Variants in LMBR1 observed in about 807,000 individuals in gnomAD.
LMBR1 encodes the protein limb region 1 protein homolog.
In LMBR1, 52 loss-of-function variants were observed where a neutral mutation model predicts 73.9. The observed-to-expected ratio is 0.70, with a 90% CI of 0.56 to 0.89. The LOEUF is 0.89. Ranked by LOEUF, LMBR1 falls within the 40% of genes least tolerant of loss-of-function variation. The pLI is 0.00. For synonymous variants in LMBR1, 215 were observed against 209.4 expected (o/e 1.03, Z -0.23); for missense variants, 539 against 579.8 (o/e 0.93, Z 0.72).
intron 1 of LMBR1, among the ~76,000 whole-genome samples, chr7:156,880,264 G>T (rs1469521822): frequency 6.6e-5 from 10 of 152,132 alleles, no homozygotes; most frequent in Non-Finnish European, 1.5e-5. Context: ...ACCAAACATC[G>T]CATGTTCTCA....
At chr7:156,807,169 AC>A in intron 4 of LMBR1, among the ~76,000 whole-genome samples, 1 of 152,272 alleles carries the variant, frequency 6.6e-6, no homozygotes, top group Middle Eastern at 3.4e-3. Flanking sequence ...TGTTCGTGAC[AC>A]TGGCCTGTCA....
chr7:156,680,851 C>T lies in LMBR1; in HGVS notation c.*3227G>A, dbSNP rs1804902508. On this transcript the variant is annotated 3_prime_UTR_variant, in exon 17 of 17. Transcript: ENST00000353442. The stretch of plus-strand genomic sequence containing the variant: ...AAAACAAAAGAACAAATAAACCCCA[C>T]ATATAAATGCTTATAAACCAAATAT... 1 of 208,500 alleles carries T rather than the reference C, an allele frequency of 4.8e-6. No individual in the cohort carries two copies. Among genetic ancestry groups the T allele is most frequent in the African/African-American group, 2.4e-5 (1 of 41,792 alleles). 12.9% of individuals were successfully genotyped at this position (208,500 alleles called of 1,614,324 possible). A position where few individuals can be genotyped will look rare whatever the true frequency, so the allele number is the denominator to read the frequency against.
At chr7:156,687,949 T>C (rs1806322647) in intron 16 of LMBR1, 81 bp downstream of exon 16, 1 of 1,295,740 alleles carries the variant, frequency 7.7e-7, no homozygotes, top group Non-Finnish European at 1.0e-6. Context: ...GGAAACTAAA[T>C]AGCTGAAGAT....
chr7:156,862,873 G>A (rs894905907), intron 1 of LMBR1, among the ~76,000 whole-genome samples: 15 of 152,130 alleles, frequency 9.9e-5, no homozygotes, highest in African/African-American at 3.6e-4. Context: ...TCAAACATCA[G>A]CTCTTCCGGG....
chr7:156,748,634 G>A (rs975552199), intron 9 of LMBR1, among the ~76,000 whole-genome samples: 10 of 151,908 alleles, frequency 6.6e-5, no homozygotes, highest in Non-Finnish European at 1.5e-4. Context: ...GATTACATGC[G>A]CATGCCACCA....
intron 1 of LMBR1, among the ~76,000 whole-genome samples, chr7:156,862,897 T>C (rs1030338078): frequency 1.7e-4 from 26 of 152,228 alleles, no homozygotes; most frequent in African/African-American, 6.3e-4. Flanking sequence ...TTGAGACTGT[T>C]GGACTAGGAA....
At chr7:156,698,861 C>A (rs1808961563) in intron 15 of LMBR1, among the ~76,000 whole-genome samples, 1 of 152,198 alleles carries the variant, frequency 6.6e-6, no homozygotes, top group African/African-American at 2.4e-5. Flanking sequence ...CTGCAGCTGG[C>A]TTGAATTTCT....
intron 15 of LMBR1, among the ~76,000 whole-genome samples, chr7:156,720,905 A>G (rs1814418195): frequency 6.6e-6 from 1 of 152,052 alleles, no homozygotes. Flanking sequence ...AGCTAGAGAA[A>G]GCCCAGGGTA....
chr7:156,728,083 T>C (rs942506340), intron 11 of LMBR1, 76 bp from the exon 12 acceptor site: 187 of 1,147,626 alleles, frequency 1.6e-4, no homozygotes, highest in Admixed American at 2.3e-4. Context: ...GGTAACCAAA[T>C]ACACGTTTCA....
chr7:156,674,500 G>A (rs563905724), downstream of LMBR1, among the ~76,000 whole-genome samples: 11 of 152,284 alleles, frequency 7.2e-5, no homozygotes, highest in Admixed American at 1.3e-4. Flanking sequence ...AAAAGGAGCC[G>A]CTGGTGTGGC....
Position 156,669,993 on chromosome 7 carries a change from G to T in LMBR1, n.867-706C>A, listed in dbSNP as rs1250991778. On this transcript the variant is annotated intron_variant and non_coding_transcript_variant, in intron 4 of 4. Coordinates refer to the LMBR1 transcript ENST00000430825. This position sits in a 1 kb window ranked among gnomAD's most constrained non-coding sequence, Gnocchi z 4.2. The stretch of plus-strand genomic sequence containing the variant: ...ATCCAAGTACTAAAAGTATAAAGCT[G>T]TATGTACTTCTGTGGCCTCTCTCTC... Among the ~76,000 whole-genome samples the T allele has an allele frequency of 6.6e-6, 1 of 152,150 alleles. No homozygotes were observed. Among genetic ancestry groups the T allele is most frequent in the Non-Finnish European group, 1.5e-5 (1 of 68,002 alleles).
chr7:156,870,791 A>C (rs1172701606), intron 1 of LMBR1, among the ~76,000 whole-genome samples: 1 of 151,922 alleles, frequency 6.6e-6, no homozygotes, highest in Non-Finnish European at 1.5e-5. Flanking sequence ...AAATAACAAA[A>C]ACACAATATA....
At chr7:156,706,022 A>G (rs964009043) in intron 15 of LMBR1, among the ~76,000 whole-genome samples, 4 of 152,144 alleles carry the variant, frequency 2.6e-5, no homozygotes, top group Non-Finnish European at 4.4e-5. Flanking sequence ...CCAACCATAC[A>G]CTGCTCACAA....
At chr7:156,813,997 A>G (rs1358772573) in intron 4 of LMBR1, among the ~76,000 whole-genome samples, 1 of 152,236 alleles carries the variant, frequency 6.6e-6, no homozygotes, top group African/African-American at 2.4e-5. Context: ...GTAAGAATCT[A>G]AAATTAAAAT....
intron 15 of LMBR1, among the ~76,000 whole-genome samples, chr7:156,690,087 G>A (rs1806853325): frequency 6.6e-6 from 1 of 152,262 alleles, no homozygotes; most frequent in Non-Finnish European, 1.5e-5. Flanking sequence ...GGAGGACACG[G>A]GAGATCCCAG....
At chr7:156,732,609 T>C (rs995558517) in intron 10 of LMBR1, among the ~76,000 whole-genome samples, 1 of 152,004 alleles carries the variant, frequency 6.6e-6, no homozygotes, top group Non-Finnish European at 1.5e-5. Context: ...GAAACAGCAC[T>C]CAACAATCAC....
At chr7:156,762,973 T>C in intron 7 of LMBR1, 135 bp downstream of exon 7, 1 of 561,544 alleles carries the variant, frequency 1.8e-6, no homozygotes, top group Admixed American at 3.9e-5. Context: ...CAAAATTTAT[T>C]TTGAATAAAA....
chr7:156,781,806 G>A (rs1585750615), intron 5 of LMBR1, among the ~76,000 whole-genome samples: 1 of 152,080 alleles, frequency 6.6e-6, no homozygotes, highest in Non-Finnish European at 1.5e-5. Context: ...ATCCATTTGC[G>A]TTTTTTAAAA....
intron 15 of LMBR1, among the ~76,000 whole-genome samples, chr7:156,705,979 C>T (rs1260798219): frequency 6.6e-6 from 1 of 151,976 alleles, no homozygotes; most frequent in African/African-American, 2.4e-5. Context: ...TTAAAAGATA[C>T]AGATTGGTGG....
Sources: gnomAD v4.1 joint callset for allele counts (sites outside exome capture counted in the v4.1 genomes callset) on GRCh38, gnomAD v4.1.1 for gene constraint, Gnocchi (gnomAD v3.1) non-coding constraint, MANE v1.5 for transcripts, NCBI Gene and HGNC (gene_info 2026-07-23, HGNC 2026-07-21) for gene names.